Variants in EYS observed in about 807,000 individuals in gnomAD.
EYS encodes the protein EGF-like photoreceptor maintenance factor, also known as protein eyes shut homolog.
In EYS, 250 loss-of-function variants were observed where a neutral mutation model predicts 282.1. That is an observed-to-expected ratio of 0.89 (90% CI 0.80 to 0.98). The LOEUF (loss-of-function observed/expected upper bound fraction) is 0.98, where lower values mean the gene tolerates loss of function less well. EYS is among the 50% of genes least tolerant of loss of function. The pLI is 0.00. For missense variants in EYS, 4,016 were observed against 3,709.0 expected (o/e 1.08, Z -2.15); for synonymous variants, 1,355 against 1,282.9 (o/e 1.06, Z -1.20).
chr6:65,244,546 T>C (rs1767132284), intron 12 of EYS, among the ~76,000 whole-genome samples: 1 of 152,140 alleles, frequency 6.6e-6, no homozygotes, highest in Non-Finnish European at 1.5e-5. Context: ...CAAGTCTCGC[T>C]CTGTCGCCCA....
chr6:65,531,537 T>G (rs559988246), intron 2 of EYS, among the ~76,000 whole-genome samples: 1 of 152,270 alleles, frequency 6.6e-6, no homozygotes, highest in African/African-American at 2.4e-5. Context: ...TCAGACTACA[T>G]GAAAGGAAAC....
chr6:65,080,197 C>T (rs1774190756), intron 12 of EYS, among the ~76,000 whole-genome samples: 1 of 151,922 alleles, frequency 6.6e-6, no homozygotes, highest in African/African-American at 2.4e-5. Flanking sequence ...GGGAAGGAGC[C>T]CTCGACAGAA....
intron 8 of EYS, among the ~76,000 whole-genome samples, chr6:65,359,807 G>T (rs2150332619): frequency 6.6e-6 from 1 of 151,832 alleles, no homozygotes; most frequent in African/African-American, 2.4e-5. Context: ...GTTCAAATGG[G>T]TTCAAAAGCA....
chr6:65,468,020 C>T (rs1765072311), intron 5 of EYS, among the ~76,000 whole-genome samples: 1 of 152,088 alleles, frequency 6.6e-6, no homozygotes, highest in Non-Finnish European at 1.5e-5. Context: ...CCTGTTTGCT[C>T]CTTTCCCCAA....
intron 2 of EYS, among the ~76,000 whole-genome samples, chr6:65,548,288 T>C (rs565855756): frequency 1.3e-5 from 2 of 152,290 alleles, no homozygotes; most frequent in African/African-American, 4.8e-5. Flanking sequence ...TAAATTTTAG[T>C]TTGCTAAATT....
intron 13 of EYS, among the ~76,000 whole-genome samples, chr6:65,002,904 A>C (rs571035318): frequency 4.5e-5 from 6 of 132,176 alleles, no homozygotes; most frequent in Non-Finnish European, 1.7e-5. Flanking sequence ...TCAATATCCT[A>C]GTGATTTCCT....
chr6:65,029,215 TTAAG>T (rs1376768491), intron 13 of EYS, among the ~76,000 whole-genome samples: 3 of 152,090 alleles, frequency 2.0e-5, no homozygotes, highest in African/African-American at 7.2e-5. Context: ...TATGGTTCCT[TTAAG>T]TAGAGAATGA....
intron 29 of EYS, among the ~76,000 whole-genome samples, chr6:64,338,763 A>T (rs532820127): frequency 6.6e-6 from 1 of 152,110 alleles, no homozygotes; most frequent in Non-Finnish European, 1.5e-5. Flanking sequence ...CTGAAACAGC[A>T]TGGTACTAGT....
At chr6:65,220,721 G>A (rs994621979) in intron 12 of EYS, among the ~76,000 whole-genome samples, 3 of 152,150 alleles carry the variant, frequency 2.0e-5, no homozygotes, top group African/African-American at 4.8e-5. Context: ...AACATGCAGA[G>A]GTTGGAACAG....
rs796999871 is a variant in EYS, at chr6:63,859,111, T to TTTTTTTTTTTTTTTTTTTTA, written c.7228+5074_7228+5075insTAAAAAAAAAAAAAAAAAAA. Among the ~76,000 whole-genome samples the TTTTTTTTTTTTTTTTTTTTA allele has an allele frequency of 2.8e-5, 2 of 71,180 alleles. 1 individual carries two copies. Among genetic ancestry groups the TTTTTTTTTTTTTTTTTTTTA allele is most frequent in the African/African-American group, 1.3e-4 (2 of 15,748 alleles). 46.7% of individuals were successfully genotyped at this position (71,180 alleles called of 152,430 possible). A position where few individuals can be genotyped will look rare whatever the true frequency, so the allele number is the denominator to read the frequency against. ...TTTTTTTTTTTTTTTTTTTTTTTTT[T>TTTTTTTTTTTTTTTTTTTTA]AATAGCTGGGATGGAGATGCAGCCT... On this transcript the variant is annotated intron_variant, in intron 36 of 42. Coordinates refer to ENST00000503581, the MANE Select transcript of EYS (RefSeq NM_001142800.2).
chr6:65,589,841 A>T (rs2127367024), intron 2 of EYS, among the ~76,000 whole-genome samples: 1 of 152,030 alleles, frequency 6.6e-6, no homozygotes, highest in Non-Finnish European at 1.5e-5. Flanking sequence ...TTGGGGGGTG[A>T]TAATGGCCTA....
intron 26 of EYS, among the ~76,000 whole-genome samples, chr6:64,505,020 T>A (rs1229054521): frequency 6.6e-5 from 10 of 152,218 alleles, no homozygotes; most frequent in African/African-American, 2.2e-4. Flanking sequence ...GCTTTGAAAA[T>A]TCCTGTATTA....
chr6:65,097,652 TGTACGATTATTCAGTCTTGA>T (rs1292501806), intron 12 of EYS, among the ~76,000 whole-genome samples: 1 of 150,882 alleles, frequency 6.6e-6, no homozygotes, highest in Non-Finnish European at 1.5e-5. Context: ...GTGGTACATA[TGTACGATTATTCAGTCTTGA>T]AGAAGAAGGA....
chr6:64,781,937 T>C lies in EYS; in HGVS notation c.3443+31441A>G, dbSNP rs570625934. ...ATGAAATGGTTGAAGATGCTAAATA[T>C]GGCACAGTGGATATGAAATTGATTA... On this transcript the variant is annotated intron_variant, in intron 22 of 42. Transcript: ENST00000503581. Among the ~76,000 whole-genome samples, 6 of 152,328 alleles carry C rather than the reference T, an allele frequency of 3.9e-5. No individual in the cohort carries two copies. The South Asian group carries it at 1.0e-3, about 26-fold the overall frequency.
At chr6:64,168,772 A>G (rs1016148484) in intron 31 of EYS, among the ~76,000 whole-genome samples, 1 of 152,210 alleles carries the variant, frequency 6.6e-6, no homozygotes, top group Non-Finnish European at 1.5e-5. Flanking sequence ...GCAAATGGAC[A>G]CAAAGGGATT....
At chr6:65,154,874 A>G (rs1764696585) in intron 12 of EYS, among the ~76,000 whole-genome samples, 1 of 151,632 alleles carries the variant, frequency 6.6e-6, no homozygotes, top group Non-Finnish European at 1.5e-5. Flanking sequence ...ACCAAAATTA[A>G]TAGTTAATAA....
chr6:65,618,496 TG>T (rs1248090389), intron 2 of EYS, among the ~76,000 whole-genome samples: 1 of 152,212 alleles, frequency 6.6e-6, no homozygotes, highest in Non-Finnish European at 1.5e-5. Flanking sequence ...TTTCCTATTT[TG>T]TAGGTTGCTT....
At chr6:64,735,142 G>A (rs777069256) in intron 22 of EYS, among the ~76,000 whole-genome samples, 9 of 152,024 alleles carry the variant, frequency 5.9e-5, no homozygotes, top group Non-Finnish European at 1.0e-4. Context: ...GTAGTGCAGC[G>A]GTGCAATCTC....
At position 65,202,110 on chromosome 6, in the gene EYS, TA is replaced by T. The variant is rs111226378; in HGVS notation, c.2023+93752del. Among the ~76,000 whole-genome samples the T allele has an allele frequency of 9.3e-3, 1,341 of 143,494 alleles. 21 individuals carry two copies. Among genetic ancestry groups the T allele is most frequent in the African/African-American group, 0.028 (1,100 of 39,438 alleles). The allele number at this position is 143,494 out of a possible 152,430, so 94.1% of individuals were successfully genotyped here. On this transcript the variant is annotated intron_variant, in intron 12 of 42. Coordinates refer to ENST00000503581, the MANE Select transcript of EYS (RefSeq NM_001142800.2). The stretch of plus-strand genomic sequence containing the variant: ...CTGGGTGACAGAGCGAGACTCCATC[TA>T]AAAAAAAAAAATGTATTTTACAACC...
Sources: gnomAD v4.1 joint callset for allele counts (sites outside exome capture counted in the v4.1 genomes callset) on GRCh38, gnomAD v4.1.1 for gene constraint, MANE v1.5 for transcripts, NCBI Gene and HGNC (gene_info 2026-07-23, HGNC 2026-07-21) for gene names.